CDH13: variants seen among roughly 807,000 people sequenced by gnomAD.
CDH13 encodes the protein cadherin-13.
CDH13 carries 24 observed loss-of-function variants against 63.8 expected under a neutral mutation model. That is an observed-to-expected ratio of 0.38 (90% confidence interval 0.27 to 0.53). CDH13 has a LOEUF of 0.53. Among genes scored for constraint, CDH13 ranks in the 20% least tolerant of loss-of-function variants. The pLI is 0.85. For synonymous variants in CDH13, 503 were observed against 355.3 expected, an observed-to-expected ratio of 1.42 and a Z score of -4.67; for missense variants, 1,049 against 903.1, an observed-to-expected ratio of 1.16 and a Z score of -2.07.
intron 2 of CDH13, among the ~76,000 whole-genome samples, chr16:83,007,976 G>C (rs189525637): frequency 6.6e-6 from 1 of 151,964 alleles, no homozygotes; most frequent in South Asian, 2.1e-4. Flanking sequence ...CCTACCTACC[G>C]ACTTACTTGG....
At chr16:83,226,573 T>C (rs1272172863) in intron 5 of CDH13, among the ~76,000 whole-genome samples, 3 of 152,200 alleles carry the variant, frequency 2.0e-5, no homozygotes, top group Non-Finnish European at 4.4e-5. Context: ...CCCTTTTTTT[T>C]CTGTTTTAGT....
At chr16:83,090,540 C>G (rs72796295) in intron 3 of CDH13, among the ~76,000 whole-genome samples, 22,270 of 149,478 alleles carry the variant, frequency 0.15, 2,185 homozygotes, top group African/African-American at 0.27. Context: ...CGTCATTGCA[C>G]TCCAGACTGG....
intron 1 of CDH13, among the ~76,000 whole-genome samples, chr16:82,725,367 G>A (rs2033036283): frequency 6.6e-6 from 1 of 152,172 alleles, no homozygotes; most frequent in Non-Finnish European, 1.5e-5. Flanking sequence ...TCTCTATAGT[G>A]AGGGAGAATA....
chr16:83,299,696 C>T (rs2089687334), intron 5 of CDH13, among the ~76,000 whole-genome samples: 1 of 152,140 alleles, frequency 6.6e-6, no homozygotes, highest in Admixed American at 6.5e-5. Flanking sequence ...ACACCTTGAC[C>T]AAAAGGCTAA....
chr16:82,757,696 C>T (rs575728602), intron 1 of CDH13, among the ~76,000 whole-genome samples: 24 of 117,908 alleles, frequency 2.0e-4, no homozygotes, highest in South Asian at 9.3e-4. Context: ...CAGGCTGGAG[C>T]GCAGTGGTGC....
At chr16:83,097,672 G>A (rs944094628) in intron 3 of CDH13, among the ~76,000 whole-genome samples, 3 of 152,188 alleles carry the variant, frequency 2.0e-5, no homozygotes, top group Non-Finnish European at 2.9e-5. Flanking sequence ...TATGTGGGAA[G>A]TGCACTCTAG....
intron 2 of CDH13, among the ~76,000 whole-genome samples, chr16:82,935,956 G>C (rs2042653262): frequency 6.6e-6 from 1 of 152,164 alleles, no homozygotes; most frequent in South Asian, 2.1e-4. Flanking sequence ...CAGGTTTAAA[G>C]AGGCAGTGTC....
At chr16:82,887,608 G>A (rs533422419) in intron 2 of CDH13, among the ~76,000 whole-genome samples, 22 of 152,298 alleles carry the variant, frequency 1.4e-4, no homozygotes, top group Middle Eastern at 6.8e-3. Flanking sequence ...ATCACGTGAG[G>A]TCAGGAGTTC....
chr16:83,679,791 T>C (rs552550224), intron 10 of CDH13, among the ~76,000 whole-genome samples: 181 of 152,206 alleles, frequency 1.2e-3, no homozygotes, highest in Non-Finnish European at 2.2e-3. Flanking sequence ...CTTGTATTTC[T>C]ACAATTGGAG....
At chr16:83,464,773 C>T (rs540236970) in intron 6 of CDH13, among the ~76,000 whole-genome samples, 1 of 152,232 alleles carries the variant, frequency 6.6e-6, no homozygotes, top group East Asian at 1.9e-4. Context: ...TCTGGGTAGA[C>T]GTGAATTTGG....
chr16:83,502,274 G>A (rs914441794), intron 7 of CDH13, among the ~76,000 whole-genome samples: 61 of 152,186 alleles, frequency 4.0e-4, no homozygotes, highest in African/African-American at 1.4e-3. Context: ...TTAATAAGGG[G>A]GAGGTGGGAA....
At chr16:83,194,386 A>C (rs2038812757) in intron 4 of CDH13, among the ~76,000 whole-genome samples, 1 of 152,224 alleles carries the variant, frequency 6.6e-6, no homozygotes, top group African/African-American at 2.4e-5. Context: ...AAGAAAAACC[A>C]CATTGTTTTC....
At chr16:82,718,087 G>A (rs762626513) in intron 1 of CDH13, among the ~76,000 whole-genome samples, 4 of 152,206 alleles carry the variant, frequency 2.6e-5, no homozygotes, top group East Asian at 3.9e-4. Flanking sequence ...TCAGGAAACC[G>A]GTAAGGCAGT....
intron 4 of CDH13, among the ~76,000 whole-genome samples, chr16:83,200,283 C>T (rs2038988002): frequency 6.6e-6 from 1 of 152,162 alleles, no homozygotes; most frequent in African/African-American, 2.4e-5. Context: ...AGGAAGCCTG[C>T]CTCCTTTTGA....
At chr16:83,704,298 A>C (rs1906684135) in intron 10 of CDH13, among the ~76,000 whole-genome samples, 1 of 152,152 alleles carries the variant, frequency 6.6e-6, no homozygotes, top group Admixed American at 6.5e-5. Flanking sequence ...AACAAAAATA[A>C]CAATCTTACC....
At chr16:82,752,481 G>A (rs1015533275) in intron 1 of CDH13, among the ~76,000 whole-genome samples, 1 of 152,166 alleles carries the variant, frequency 6.6e-6, no homozygotes, top group Non-Finnish European at 1.5e-5. Flanking sequence ...GTTTTGAACA[G>A]ATGCCTGTAC....
intron 8 of CDH13, among the ~76,000 whole-genome samples, chr16:83,653,053 G>T (rs1912536863): frequency 6.6e-6 from 1 of 152,140 alleles, no homozygotes; most frequent in East Asian, 1.9e-4. Context: ...AGACAGAAAT[G>T]GCCATATATT....
intron 5 of CDH13, among the ~76,000 whole-genome samples, chr16:83,323,174 T>TTTTC (rs1555530161): frequency 1.3e-3 from 110 of 82,276 alleles, no homozygotes; most frequent in African/African-American, 5.1e-3. Context: ...TCTCTTTCTT[T>TTTTC]TTTCTTTCTT....
At chr16:82,824,420 A>G (rs1428157134) in intron 1 of CDH13, 5 of 152,298 alleles carry the variant, frequency 3.3e-5, no homozygotes, top group East Asian at 1.9e-4. Flanking sequence ...CAACGAAAAA[A>G]TGGCAGAATT....
Sources: allele counts gnomAD v4.1 joint callset (sites outside exome capture counted in the v4.1 genomes callset), GRCh38; gene constraint gnomAD v4.1.1; transcripts MANE v1.5; gene names NCBI Gene and HGNC (gene_info 2026-07-23, HGNC 2026-07-21).